The following COL4A3 variants were observed in gnomAD, a reference collection of about 807,000 sequenced individuals.
COL4A3 encodes collagen type IV alpha 3 chain, also known as collagen alpha-3(IV) chain.
A neutral mutation model predicts 217.4 loss-of-function variants in COL4A3; 135 were observed. The observed-to-expected ratio is 0.62, with a 90% CI of 0.54 to 0.72. COL4A3 has a LOEUF of 0.72. COL4A3 is among the 30% of genes least tolerant of loss of function. The probability of loss-of-function intolerance (pLI) is 0.00; values close to 1 mark genes in which losing one functional copy is unlikely to be tolerated. For missense variants in COL4A3, 1,868 were observed against 2,119.9 expected (o/e 0.88, Z 2.33); for synonymous variants, 690 against 736.3 (o/e 0.94, Z 1.02).
At chr2:227,259,157 C>T (rs1387629429) in intron 18 of COL4A3, 2 of 152,056 alleles carry the variant, frequency 1.3e-5, no homozygotes, top group Non-Finnish European at 2.9e-5. Context: ...CCATATAATT[C>T]TGTTTGCAGC....
At chr2:227,181,880 G>T (rs1037473708) in intron 1 of COL4A3, among the ~76,000 whole-genome samples, 23 of 152,158 alleles carry the variant, frequency 1.5e-4, no homozygotes, top group African/African-American at 5.3e-4. Context: ...TATACTGCAA[G>T]TTCTCCTTTC....
At chr2:227,196,630 A>T (rs1180964800) in intron 1 of COL4A3, among the ~76,000 whole-genome samples, 1 of 152,068 alleles carries the variant, frequency 6.6e-6, no homozygotes. Flanking sequence ...TTTATCTTTT[A>T]TATTGCATTT....
chr2:227,258,407 C>G (rs2070332366), intron 18 of COL4A3, among the ~76,000 whole-genome samples: 1 of 152,206 alleles, frequency 6.6e-6, no homozygotes, highest in South Asian at 2.1e-4. Flanking sequence ...TGCATCTTTA[C>G]ACTGGATGCA....
At chr2:227,192,070 A>T (rs1166164445) in intron 1 of COL4A3, among the ~76,000 whole-genome samples, 1 of 152,240 alleles carries the variant, frequency 6.6e-6, no homozygotes, top group Non-Finnish European at 1.5e-5. Flanking sequence ...ATTCATTTTT[A>T]TCTCTCTGTG....
intron 21 of COL4A3, 131 bp downstream of exon 21, chr2:227,264,075 G>C (rs542305676): frequency 1.0e-6 from 1 of 999,038 alleles, no homozygotes; most frequent in African/African-American, 1.6e-5. Flanking sequence ...CTTTCCAATG[G>C]TCTTCATTTC....
rs530973186 is a variant in COL4A3 at position 227,204,252 on chromosome 2, G to T, written c.88-33716G>T. On this transcript the variant is annotated intron_variant, in intron 1 of 51. Coordinates refer to ENST00000396578, the MANE Select transcript of COL4A3 (RefSeq NM_000091.5). Reference sequence around the variant, plus strand: ...GCAATAAGGATTAAATAAGTTATTAGAAATAATGTACTTAGAACAATGTCT... The same window carrying T: ...GCAATAAGGATTAAATAAGTTATTATAAATAATGTACTTAGAACAATGTCT... Among the ~76,000 whole-genome samples the T allele has an allele frequency of 2.0e-5, 3 of 152,222 alleles. No homozygotes were observed. In the South Asian group the frequency reaches 6.2e-4, roughly 32 times the overall value.
At chr2:227,189,414 A>G (rs2066148654) in intron 1 of COL4A3, among the ~76,000 whole-genome samples, 1 of 152,072 alleles carries the variant, frequency 6.6e-6, no homozygotes, top group African/African-American at 2.4e-5. Context: ...GAACACAGTG[A>G]CCAAGAGGGT....
At chr2:227,300,258 A>G (rs149925013) in intron 43 of COL4A3, among the ~76,000 whole-genome samples, 2,494 of 152,270 alleles carry the variant, frequency 0.016, 32 homozygotes, top group Middle Eastern at 0.041. Context: ...CACTTGGGCC[A>G]TTGGGCTGAC....
intron 43 of COL4A3, among the ~76,000 whole-genome samples, chr2:227,300,657 C>T (rs999311596): frequency 2.6e-5 from 4 of 152,170 alleles, no homozygotes; most frequent in Admixed American, 1.3e-4. Flanking sequence ...CAAAAAGCTA[C>T]AGTCCCTTGC....
At chr2:227,301,495 CA>C (rs1365084990) in intron 43 of COL4A3, among the ~76,000 whole-genome samples, 1 of 152,162 alleles carries the variant, frequency 6.6e-6, no homozygotes, top group African/African-American at 2.4e-5. Flanking sequence ...TGAAAAATGA[CA>C]TATTTGCCCA....
intron 19 of COL4A3, 48 bp from the exon 20 acceptor site, chr2:227,261,034 C>G (rs145145551): frequency 6.7e-7 from 1 of 1,494,692 alleles, no homozygotes; most frequent in African/African-American, 1.4e-5. Context: ...GTGGATGGGA[C>G]AGCATTTATA....
At position 227,261,323 on chromosome 2, in the gene COL4A3, G is replaced by A. The variant is rs552186966; in HGVS notation, c.1150+206G>A. ...GTGGATCACCTGAGGTCAGGAGTTC[G>A]AGACCAGCCTGGCAAACATGGCAAA... On this transcript the variant is annotated intron_variant, in intron 20 of 51. Coordinates refer to ENST00000396578, the MANE Select transcript of COL4A3 (RefSeq NM_000091.5). Among the ~76,000 whole-genome samples the A allele has an allele frequency of 2.3e-4, 35 of 152,260 alleles. No homozygotes were observed. In the South Asian group the frequency reaches 4.1e-3, roughly 18 times the overall value.
At chr2:227,189,613 C>A (rs1199047901) in intron 1 of COL4A3, among the ~76,000 whole-genome samples, 4 of 152,202 alleles carry the variant, frequency 2.6e-5, no homozygotes, top group Non-Finnish European at 5.9e-5. Flanking sequence ...GTATGCATTT[C>A]TTTTATCAAG....
At chr2:227,204,560 G>A (rs1007052926) in intron 1 of COL4A3, among the ~76,000 whole-genome samples, 1 of 152,280 alleles carries the variant, frequency 6.6e-6, no homozygotes, top group Non-Finnish European at 1.5e-5. Context: ...GATTGTCTGG[G>A]ATTCTAAAGA....
intron 1 of COL4A3, among the ~76,000 whole-genome samples, chr2:227,215,728 G>A (rs1328246094): frequency 6.6e-6 from 1 of 152,072 alleles, no homozygotes; most frequent in Non-Finnish European, 1.5e-5. Context: ...CAAAGTGTTG[G>A]GATTACAGGG....
At chr2:227,202,427 T>C (rs1263816679) in intron 1 of COL4A3, among the ~76,000 whole-genome samples, 8 of 152,146 alleles carry the variant, frequency 5.3e-5, no homozygotes, top group Admixed American at 3.3e-4. Context: ...CTGATAATGC[T>C]GGTATGCGGG....
intron 3 of COL4A3, among the ~76,000 whole-genome samples, chr2:227,240,845 C>T (rs2068977592): frequency 6.6e-6 from 1 of 152,214 alleles, no homozygotes; most frequent in South Asian, 2.1e-4. Context: ...TTGCCTTCTA[C>T]CACCTCTCCT....
chr2:227,290,766 A>G lies in COL4A3; in HGVS notation c.3090A>G (p.Gly1030=). ...MGMPGSKGKR[G]TLGFPGRAGR... ...TTTCAGGTTCTAAAGGAAAAAGGGG[A>G]ACTTTGGGATTCCCAGGTCGAGCAG... is the stretch of plus-strand genomic sequence containing the variant. Residue 1030 remains glycine (G), a synonymous_variant, in exon 37 of 52, where the codon GGA becomes GGG. Coordinates refer to ENST00000396578, the MANE Select transcript of COL4A3 (RefSeq NM_000091.5). The G allele has an allele frequency of 6.2e-7, 1 of 1,613,276 alleles. No homozygotes were observed. Among genetic ancestry groups the G allele is most frequent in the Non-Finnish European group, 8.5e-7 (1 of 1,179,924 alleles).
At chr2:227,245,816 C>A (rs2069300426) in intron 5 of COL4A3, 138 bp from the exon 6 acceptor site, 3 of 746,510 alleles carry the variant, frequency 4.0e-6, no homozygotes, top group Non-Finnish European at 7.3e-6. Context: ...TATGTAAAAC[C>A]ACAATGTACA....
Sources: allele counts gnomAD v4.1 joint callset (sites outside exome capture counted in the v4.1 genomes callset), GRCh38; gene constraint gnomAD v4.1.1; transcripts MANE v1.5; gene names NCBI Gene and HGNC (gene_info 2026-07-23, HGNC 2026-07-21).